SIGLECL1: variants seen among roughly 807,000 people sequenced by gnomAD.
SIGLECL1 encodes SIGLEC family-like protein 1.
SIGLECL1 carries 16 observed loss-of-function variants against 19.1 expected under a neutral mutation model. That is an observed-to-expected ratio of 0.84 (90% confidence interval 0.57 to 1.27). The LOEUF is 1.27. Ranked by LOEUF, SIGLECL1 falls within the 50% of genes most tolerant of loss-of-function variation. The pLI, the probability that SIGLECL1 is intolerant of heterozygous loss-of-function variation, is 0.00. For missense variants in SIGLECL1, 210 were observed against 239.4 expected (o/e 0.88, Z 0.81); for synonymous variants, 89 against 90.4 (o/e 0.98, Z 0.09).
intron 1 of SIGLECL1, among the ~76,000 whole-genome samples, chr19:51,261,578 G>A (rs112105717): frequency 7.9e-5 from 12 of 152,262 alleles, no homozygotes; most frequent in South Asian, 6.2e-4. Flanking sequence ...ATGAGCCACC[G>A]CTCCCGGCCC....
intron 1 of SIGLECL1, among the ~76,000 whole-genome samples, chr19:51,261,536 T>C (rs1185775871): frequency 6.6e-6 from 1 of 152,044 alleles, no homozygotes; most frequent in African/African-American, 2.4e-5. Context: ...GATCCGCCCG[T>C]CTCGGCCTCC....
At chr19:51,264,279 C>T (rs961531098) in intron 2 of SIGLECL1, 185 bp downstream of exon 2, 3 of 610,858 alleles carry the variant, frequency 4.9e-6, no homozygotes, top group African/African-American at 3.8e-5. Context: ...GCTGGTGTGT[C>T]TGAAGCAAAT....
chr19:51,267,180 C>CTAAT (rs890724721), intron 4 of SIGLECL1, among the ~76,000 whole-genome samples, 193 bp from the exon 5 acceptor site: 13 of 152,194 alleles, frequency 8.5e-5, no homozygotes, highest in African/African-American at 3.1e-4. Context: ...GCCCCACAGC[C>CTAAT]TAATAAGCAG....
chr19:51,260,566 A>G (rs1441042461), intron 1 of SIGLECL1, among the ~76,000 whole-genome samples: 1 of 152,206 alleles, frequency 6.6e-6, no homozygotes, highest in Non-Finnish European at 1.5e-5. Flanking sequence ...TGGCGTACAT[A>G]TGCACAAACA....
At chr19:51,263,808 A>G (rs1196232808) in intron 1 of SIGLECL1, 75 bp from the exon 2 acceptor site, 2 of 385,810 alleles carry the variant, frequency 5.2e-6, no homozygotes, top group East Asian at 4.7e-5. Flanking sequence ...CTGAGGCTTC[A>G]CAGACAATCT....
intron 1 of SIGLECL1, among the ~76,000 whole-genome samples, chr19:51,262,163 T>A (rs964141126): frequency 2.6e-5 from 4 of 152,198 alleles, no homozygotes; most frequent in African/African-American, 9.7e-5. Context: ...TATCCATATT[T>A]CCTCATAGCT....
upstream of SIGLECL1, among the ~76,000 whole-genome samples, chr19:51,247,114 C>A (rs561876453): frequency 6.6e-6 from 1 of 152,292 alleles, no homozygotes; most frequent in East Asian, 1.9e-4. Flanking sequence ...AGTTCACCTG[C>A]ATCTTGTCAT....
chr19:51,259,556 A>T (rs1403463344), intron 1 of SIGLECL1, among the ~76,000 whole-genome samples: 1 of 152,206 alleles, frequency 6.6e-6, no homozygotes, highest in Admixed American at 6.5e-5. Context: ...CCAGTGGTGA[A>T]TGCTGGGATT....
At position 51,265,381 on chromosome 19, in the gene SIGLECL1, G is replaced by GCT; in HGVS notation, c.38_39dup (p.Asn14SerfsTer45). The GCT allele has an allele frequency of 6.2e-7, 1 of 1,611,258 alleles. No homozygotes were observed. The highest frequency in any genetic ancestry group is 8.5e-7 in the Non-Finnish European group (1 of 1,177,930). On this transcript the variant is annotated frameshift_variant, in exon 3 of 6. Transcript: ENST00000601727. LOFTEE classifies it high-confidence loss of function. ...TCCTCCCCACAGTACCTGCTAAGCT[G>GCT]CTCAACTCCTCTTGCTCCTTGGAGA...
At position 51,268,659 on chromosome 19, in the gene SIGLECL1, A is replaced by C. The variant is rs749094173; in HGVS notation, c.*62A>C. On this transcript the variant is annotated 3_prime_UTR_variant, in exon 6 of 6. Coordinates refer to ENST00000601727, the MANE Select transcript of SIGLECL1 (RefSeq NM_001385465.1). ...ATCCCTGGAATTACAAAGATCTGCA[A>C]AATTTATAGCGCTCACAGAAACCCT... is the stretch of plus-strand genomic sequence containing the variant. The C allele has an allele frequency of 6.4e-6, 10 of 1,551,840 alleles. No individual in the cohort carries two copies. Among genetic ancestry groups the C allele is most frequent in the Non-Finnish European group, 7.9e-6 (9 of 1,132,880 alleles).
intron 1 of SIGLECL1, among the ~76,000 whole-genome samples, chr19:51,252,381 G>A (rs902243144): frequency 1.3e-5 from 2 of 152,062 alleles, no homozygotes; most frequent in East Asian, 1.9e-4. Context: ...AACTGATGGA[G>A]AGAAGAAAGA....
intron 1 of SIGLECL1, among the ~76,000 whole-genome samples, chr19:51,253,848 G>C (rs1259400911): frequency 6.6e-6 from 1 of 152,160 alleles, no homozygotes; most frequent in Admixed American, 6.5e-5. Flanking sequence ...TAGTACTTTT[G>C]TGGATCTCTG....
chr19:51,268,521 C>T (rs753300212), intron 5 of SIGLECL1, 50 bp from the exon 6 acceptor site: 10 of 1,603,798 alleles, frequency 6.2e-6, no homozygotes, highest in African/African-American at 1.3e-5. Flanking sequence ...CACCTCTAGA[C>T]CTGTTCCAAC....
chr19:51,260,352 T>C (rs1333056126), intron 1 of SIGLECL1, among the ~76,000 whole-genome samples: 5 of 152,240 alleles, frequency 3.3e-5, no homozygotes, highest in Non-Finnish European at 7.3e-5. Context: ...GCTCATACAT[T>C]ATTACTTATT....
chr19:51,267,242 C>T, intron 4 of SIGLECL1, 131 bp from the exon 5 acceptor site: 1 of 1,088,586 alleles, frequency 9.2e-7, no homozygotes, highest in South Asian at 1.6e-5. Context: ...GGATGTGTGG[C>T]TTGCCCTAGG....
chr19:51,264,235 A>G (rs1276168515), intron 2 of SIGLECL1, 141 bp downstream of exon 2: 2 of 895,848 alleles, frequency 2.2e-6, no homozygotes, highest in Non-Finnish European at 3.4e-6. Context: ...ATCAACATGA[A>G]TTAGACAGCT....
upstream of SIGLECL1, among the ~76,000 whole-genome samples, chr19:51,247,506 C>T (rs368468362): frequency 3.3e-5 from 5 of 152,068 alleles, no homozygotes; most frequent in East Asian, 5.8e-4. Context: ...GCAACCTCCA[C>T]CTCCTGGGTT....
In SIGLECL1 at chr19:51,265,777, G is replaced by C. The variant is rs750425777; in HGVS notation, c.305G>C (p.Arg102Thr). ...CTTCTCACATGCTCTCTGCTTCCAG[G>C]AAAGAGTTCTTTGGCTGCCCAGGCC... The part of the protein sequence containing the change: ...THALSILLMS[R>T]KSSLAAQAFV... Residue 102 changes from arginine (R) to threonine (T), a missense_variant and splice_region_variant, in exon 4 of 6, where the codon AGA becomes ACA. By Grantham distance (71) the Arg-to-Thr change is moderately conservative. Coordinates refer to ENST00000601727, the MANE Select transcript of SIGLECL1 (RefSeq NM_001385465.1). 1.7e-5 allele frequency: 27 copies of C among 1,614,094 alleles called. No homozygotes were observed. Among genetic ancestry groups the C allele is most frequent in the Non-Finnish European group, 2.1e-5 (25 of 1,180,038 alleles).
chr19:51,265,671 TG>T, intron 3 of SIGLECL1, 22 bp downstream of exon 3: 1 of 1,611,080 alleles, frequency 6.2e-7, no homozygotes, highest in Non-Finnish European at 8.5e-7. Flanking sequence ...GGGGGCTCGG[TG>T]ACTGGGTGAG....
Sources: gnomAD v4.1 joint callset for allele counts (sites outside exome capture counted in the v4.1 genomes callset) on GRCh38, gnomAD v4.1.1 for gene constraint, MANE v1.5 for transcripts, NCBI Gene and HGNC (gene_info 2026-07-23, HGNC 2026-07-21) for gene names.